The following TXNRD2 variants were observed in gnomAD, a reference collection of about 807,000 sequenced individuals.
The protein encoded by TXNRD2 is thioredoxin reductase 2, mitochondrial.
TXNRD2 carries 67 observed loss-of-function variants against 70.8 expected under a neutral mutation model. The ratio of observed to expected loss-of-function variants is 0.95; its 90% CI spans 0.78 to 1.16. The LOEUF (loss-of-function observed/expected upper bound fraction) is 1.16, where lower values mean the gene tolerates loss of function less well. Ranked by LOEUF, TXNRD2 falls within the 50% of genes most tolerant of loss-of-function variation. The pLI, the probability that TXNRD2 is intolerant of heterozygous loss-of-function variation, is 0.00. For missense variants in TXNRD2, 644 were observed against 719.9 expected (o/e 0.89, Z 1.21); for synonymous variants, 301 against 295.8 (o/e 1.02, Z -0.18).
chr22:19,892,175 CTTTAT>C (rs1279134396), intron 11 of TXNRD2, among the ~76,000 whole-genome samples: 2 of 152,264 alleles, frequency 1.3e-5, no homozygotes, highest in African/African-American at 4.8e-5. Flanking sequence ...CCCTAGGGCG[CTTTAT>C]TTTAACCTCC....
chr22:19,918,226 A>G lies in TXNRD2; in HGVS notation c.375-9T>C. 1 of 1,614,022 alleles carries G rather than the reference A, an allele frequency of 6.2e-7. No individual in the cohort carries two copies. Among genetic ancestry groups the G allele is most frequent in the East Asian group, 2.2e-5 (1 of 44,892 alleles). On this transcript the variant is annotated splice_polypyrimidine_tract_variant and intron_variant, in intron 4 of 17. Coordinates refer to ENST00000400521, the MANE Select transcript of TXNRD2 (RefSeq NM_006440.5). ...CTTCTGCCATCTTCCTCCTGTGAAG[A>G]TACGAAACAAAATGTAAAATCCACA...
At chr22:19,909,889 A>ACACCCTACT (rs1940310104) in intron 8 of TXNRD2, among the ~76,000 whole-genome samples, 1 of 40,008 alleles carries the variant, frequency 2.5e-5, no homozygotes, top group African/African-American at 2.1e-4. Context: ...CACACCACTC[A>ACACCCTACT]CACACACACA....
chr22:19,937,858 G>A (rs1213291222), intron 1 of TXNRD2: 3 of 152,230 alleles, frequency 2.0e-5, no homozygotes, highest in Non-Finnish European at 4.4e-5. Context: ...ACAGAACCAG[G>A]GAAACAGGAA....
chr22:19,932,851 G>A (rs201204431), intron 1 of TXNRD2, among the ~76,000 whole-genome samples: 15 of 152,318 alleles, frequency 9.8e-5, no homozygotes, highest in East Asian at 5.8e-4. Flanking sequence ...AGAGCCTAGC[G>A]TCTGCCATGA....
chr22:19,897,487 G>A (rs891626689), intron 10 of TXNRD2, among the ~76,000 whole-genome samples: 1 of 152,170 alleles, frequency 6.6e-6, no homozygotes, highest in African/African-American at 2.4e-5. Flanking sequence ...CTAGGAGCTC[G>A]TCCTGCTGGC....
rs370505160 is a variant in TXNRD2 at position 19,918,126 on chromosome 22, G to T, written c.449+17C>A. ...AAGGCCCAGAGGGCGGCCCATTCCC[G>T]GAGAGAGCTTCAGTACCTGTCCTGA... is the stretch of plus-strand genomic sequence containing the variant. On this transcript the variant is annotated intron_variant, in intron 5 of 17. Coordinates refer to ENST00000400521, the MANE Select transcript of TXNRD2 (RefSeq NM_006440.5). The T allele has an allele frequency of 6.2e-7, 1 of 1,613,206 alleles. No individual in the cohort carries two copies.
chr22:19,937,145 G>C (rs549127657), intron 1 of TXNRD2, among the ~76,000 whole-genome samples: 1 of 152,122 alleles, frequency 6.6e-6, no homozygotes, highest in Non-Finnish European at 1.5e-5. Context: ...TCCATACCTG[G>C]TGGTCAGAGG....
At chr22:19,905,145 G>C (rs550234604) in intron 8 of TXNRD2, among the ~76,000 whole-genome samples, 13 of 152,202 alleles carry the variant, frequency 8.5e-5, no homozygotes, top group Non-Finnish European at 1.6e-4. Context: ...AACAGCGCCG[G>C]ACAAAAGCCG....
chr22:19,880,379 C>A, intron 13 of TXNRD2, 108 bp from the exon 14 acceptor site: 1 of 1,217,628 alleles, frequency 8.2e-7, no homozygotes, highest in South Asian at 1.3e-5. Context: ...CAGATGCGCC[C>A]AGAGCAGGCT....
At chr22:19,924,899 A>G (rs1569107685) in intron 2 of TXNRD2, among the ~76,000 whole-genome samples, 6 of 152,042 alleles carry the variant, frequency 3.9e-5, no homozygotes, top group Admixed American at 2.6e-4. Flanking sequence ...CACTACAGAG[A>G]CACTAAGATA....
intron 16 of TXNRD2, 68 bp from the exon 17 acceptor site, chr22:19,877,302 C>G: frequency 1.4e-6 from 2 of 1,452,312 alleles, no homozygotes; most frequent in Non-Finnish European, 1.9e-6. Context: ...CATCCCACCC[C>G]CGGGAAGAGG....
intron 11 of TXNRD2, among the ~76,000 whole-genome samples, chr22:19,890,750 G>A (rs1247302947): frequency 6.6e-6 from 1 of 152,196 alleles, no homozygotes; most frequent in Non-Finnish European, 1.5e-5. Context: ...ACTCAACAGA[G>A]GGACAATCCG....
intron 14 of TXNRD2, among the ~76,000 whole-genome samples, chr22:19,879,862 G>A (rs557356126): frequency 4.6e-5 from 7 of 152,240 alleles, no homozygotes; most frequent in South Asian, 4.1e-4. Flanking sequence ...TGGCTGGGGT[G>A]GGGCTGGGGG....
At chr22:19,914,582 G>T (rs573193656) in intron 7 of TXNRD2, among the ~76,000 whole-genome samples, 2 of 152,274 alleles carry the variant, frequency 1.3e-5, no homozygotes, top group South Asian at 4.1e-4. Context: ...CTTACACGAG[G>T]TGCCTAGTGT....
At chr22:19,917,670 G>A (rs540838388) in intron 5 of TXNRD2, among the ~76,000 whole-genome samples, 49 of 152,298 alleles carry the variant, frequency 3.2e-4, no homozygotes, top group African/African-American at 1.1e-3. Context: ...TGACAGGAAC[G>A]GTGACCAAGT....
At position 19,899,036 on chromosome 22, in the gene TXNRD2, T is replaced by C; in HGVS notation, c.682+13A>G. 6.2e-7 allele frequency: 1 copy of C among 1,606,138 alleles called. No homozygotes were observed. The highest frequency in any genetic ancestry group is 1.1e-5 in the South Asian group (1 of 91,080). On this transcript the variant is annotated intron_variant, in intron 9 of 17. Transcript: ENST00000400521. ...GTTCCCAGGACGGCCACCTGCACGCTTGCAAAGGATACAGCTGGCCCCGAC... is the reference window on the plus strand; with the variant it reads ...GTTCCCAGGACGGCCACCTGCACGCCTGCAAAGGATACAGCTGGCCCCGAC...
chr22:19,910,612 G>A (rs1000082071), intron 8 of TXNRD2, among the ~76,000 whole-genome samples: 3 of 152,220 alleles, frequency 2.0e-5, no homozygotes, highest in African/African-American at 7.2e-5. Flanking sequence ...ACAAGTCACA[G>A]GTTTATTGTT....
Position 19,918,919 on chromosome 22 carries a change from G to C in TXNRD2, c.315C>G (p.Gly105=), listed in dbSNP as rs1208235233. 1.9e-6 allele frequency: 3 copies of C among 1,612,636 alleles called. No individual in the cohort carries two copies. The highest frequency in any genetic ancestry group is 2.5e-6 in the Non-Finnish European group (3 of 1,179,956). The change falls in exon 4 of 18, where the codon GGC becomes GGG. Residue 105 remains glycine (G), a synonymous_variant. Coordinates refer to ENST00000400521, the MANE Select transcript of TXNRD2 (RefSeq NM_006440.5). ...CATAGTTGGGGGCATCTTGGATCAG[G>C]CCTCCCAGCAGTGCCGCCTGGTGCA... is the stretch of plus-strand genomic sequence containing the variant. ...KLMHQAALLG[G]LIQDAPNYGW...
intron 8 of TXNRD2, among the ~76,000 whole-genome samples, chr22:19,901,612 C>T (rs1010893829): frequency 2.0e-5 from 3 of 152,194 alleles, no homozygotes. Flanking sequence ...AGAATTCCAA[C>T]AGAGAACTCC....
Sources: gnomAD v4.1 joint callset for allele counts (sites outside exome capture counted in the v4.1 genomes callset) on GRCh38, gnomAD v4.1.1 for gene constraint, MANE v1.5 for transcripts, NCBI Gene and HGNC (gene_info 2026-07-23, HGNC 2026-07-21) for gene names.